C12orf42: variants seen among roughly 807,000 people sequenced by gnomAD.
The protein encoded by C12orf42 is uncharacterized protein C12orf42.
Under a neutral mutation model 21.6 loss-of-function variants are expected in C12orf42, and 25 were observed. The ratio of observed to expected loss-of-function variants is 1.16; its 90% CI spans 0.84 to 1.62. C12orf42 has a LOEUF of 1.62. Among genes scored for constraint, C12orf42 ranks in the 40% most tolerant of loss-of-function variants. The pLI is 0.00. For missense variants in C12orf42, 483 were observed against 459.3 expected (o/e 1.05, Z -0.47); for synonymous variants, 174 against 175.0 (o/e 0.99, Z 0.05).
downstream of C12orf42, among the ~76,000 whole-genome samples, chr12:103,267,193 T>C (rs1212641616): frequency 6.6e-6 from 1 of 152,120 alleles, no homozygotes; most frequent in East Asian, 1.9e-4. Flanking sequence ...TTTCTCTGGT[T>C]CGAGTCAATT....
chr12:103,549,784 A>G, the C12orf42 span, among the ~76,000 whole-genome samples: 3 of 152,212 alleles, frequency 2.0e-5, no homozygotes, highest in Admixed American at 1.3e-4. Flanking sequence ...CCAGACATCT[A>G]TACAAATGAC....
chr12:103,368,857 GGTCT>G (rs777958932), intron 4 of C12orf42, 26 bp downstream of exon 4: 3 of 1,194,472 alleles, frequency 2.5e-6, no homozygotes, highest in African/African-American at 1.5e-5. Context: ...TGGAAACTCT[GGTCT>G]GTCTTGGGAT....
chr12:103,141,390 A>T, the C12orf42 span, among the ~76,000 whole-genome samples: 3 of 152,230 alleles, frequency 2.0e-5, no homozygotes, highest in Non-Finnish European at 2.9e-5. Context: ...ACAAATATTA[A>T]GAGTTAAATA....
chr12:103,448,629 T>C (rs1951730868), intron 2 of C12orf42, among the ~76,000 whole-genome samples: 1 of 151,882 alleles, frequency 6.6e-6, no homozygotes, highest in Non-Finnish European at 1.5e-5. Context: ...GATAACGACA[T>C]GAACAGACAG....
chr12:103,176,393 T>C, the C12orf42 span, among the ~76,000 whole-genome samples: 1 of 152,042 alleles, frequency 6.6e-6, no homozygotes, highest in Non-Finnish European at 1.5e-5. Context: ...TTCTCATATT[T>C]ATAACAGAGA....
At chr12:103,396,038 C>G (rs1393789709) in intron 3 of C12orf42, among the ~76,000 whole-genome samples, 7 of 148,150 alleles carry the variant, frequency 4.7e-5, no homozygotes, top group Non-Finnish European at 8.9e-5. Context: ...AATATATATA[C>G]TATATATAAT....
At chr12:103,055,359 T>C in the C12orf42 span, among the ~76,000 whole-genome samples, 4 of 151,950 alleles carry the variant, frequency 2.6e-5, no homozygotes, top group South Asian at 2.1e-4. Context: ...GAGTTCTTCA[T>C]AGTTATCTTT....
intron 2 of C12orf42, among the ~76,000 whole-genome samples, chr12:103,413,359 C>T (rs892785722): frequency 1.3e-5 from 2 of 152,104 alleles, no homozygotes; most frequent in African/African-American, 2.4e-5. Context: ...TGCAGTTTTA[C>T]AGTATAGTTT....
At chr12:103,487,942 T>A (rs1954945696) in intron 1 of C12orf42, among the ~76,000 whole-genome samples, 1 of 152,246 alleles carries the variant, frequency 6.6e-6, no homozygotes, top group African/African-American at 2.4e-5. Flanking sequence ...ATTGGGGTAT[T>A]TAGCCCATTT....
chr12:103,560,818 A>G, the C12orf42 span, among the ~76,000 whole-genome samples: 1 of 152,310 alleles, frequency 6.6e-6, no homozygotes, highest in East Asian at 1.9e-4. Flanking sequence ...TGAGGATTCA[A>G]CAAGATCATG....
intron 1 of C12orf42, among the ~76,000 whole-genome samples, chr12:103,493,133 A>G (rs1476942251): frequency 6.6e-6 from 1 of 152,164 alleles, no homozygotes; most frequent in African/African-American, 2.4e-5. Context: ...TACAAAGCAG[A>G]GGTAGTGGTG....
chr12:103,435,137 G>A (rs1209306302), intron 2 of C12orf42, among the ~76,000 whole-genome samples: 2 of 152,118 alleles, frequency 1.3e-5, no homozygotes, highest in African/African-American at 4.8e-5. Context: ...CCCAGCAGAG[G>A]CACACTGACA....
chr12:103,086,204 A>AAAAC, the C12orf42 span, among the ~76,000 whole-genome samples: 1 of 152,162 alleles, frequency 6.6e-6, no homozygotes, highest in African/African-American at 2.4e-5. Context: ...CTTCAATAAC[A>AAAAC]AAACAATCAG....
chr12:103,487,260 C>A (rs1954896360), intron 1 of C12orf42, among the ~76,000 whole-genome samples: 1 of 152,102 alleles, frequency 6.6e-6, no homozygotes, highest in Admixed American at 6.5e-5. Flanking sequence ...TGTAGTTGTG[C>A]AGTTTTGAGT....
chr12:103,255,307 G>A (rs1236472176), intron 10 of C12orf42, among the ~76,000 whole-genome samples: 1 of 152,134 alleles, frequency 6.6e-6, no homozygotes, highest in Non-Finnish European at 1.5e-5. Flanking sequence ...AGGAGGCAGA[G>A]GTTGTAGTAA....
the C12orf42 span, among the ~76,000 whole-genome samples, chr12:103,048,072 T>G: frequency 6.6e-6 from 1 of 151,898 alleles, no homozygotes; most frequent in East Asian, 1.9e-4. Flanking sequence ...TTACAAACAA[T>G]CTACCAGTCA....
At chr12:103,445,191 C>A (rs1242955128) in intron 2 of C12orf42, among the ~76,000 whole-genome samples, 2 of 151,962 alleles carry the variant, frequency 1.3e-5, no homozygotes, top group Non-Finnish European at 2.9e-5. Context: ...GACACTGTCT[C>A]CAGGTAGATG....
At chr12:103,233,694 C>T (rs1055217886), downstream of C12orf42, among the ~76,000 whole-genome samples, 1 of 152,100 alleles carries the variant, frequency 6.6e-6, no homozygotes, top group African/African-American at 2.4e-5. Flanking sequence ...CTTATTAGTT[C>T]CGGGAGTTTT....
At chr12:103,355,801 T>A (rs1342991243) in intron 4 of C12orf42, among the ~76,000 whole-genome samples, 1 of 152,104 alleles carries the variant, frequency 6.6e-6, no homozygotes, top group Non-Finnish European at 1.5e-5. Flanking sequence ...TTAGTACATT[T>A]CTTAATTGTC....
Sources: allele counts gnomAD v4.1 joint callset (sites outside exome capture counted in the v4.1 genomes callset), GRCh38; gene constraint gnomAD v4.1.1; transcripts MANE v1.5; gene names NCBI Gene and HGNC (gene_info 2026-07-23, HGNC 2026-07-21).